Variants in RBPJ observed in about 807,000 individuals in gnomAD.
The protein encoded by RBPJ is recombining binding protein suppressor of hairless.
Under a neutral mutation model 67.8 loss-of-function variants are expected in RBPJ, and 9 were observed. That is an observed-to-expected ratio of 0.13 (90% CI 0.08 to 0.23). RBPJ has a LOEUF of 0.23. Ranked by LOEUF, RBPJ falls within the 10% of genes least tolerant of loss-of-function variation. The pLI, the probability that RBPJ is intolerant of heterozygous loss-of-function variation, is 1.00. For synonymous variants in RBPJ, 198 were observed against 203.3 expected (o/e 0.97, Z 0.22); for missense variants, 305 against 595.6 (o/e 0.51, Z 5.08).
upstream of RBPJ, among the ~76,000 whole-genome samples, chr4:26,318,131 A>G (rs757412171): frequency 7.7e-4 from 110 of 143,712 alleles, no homozygotes; most frequent in African/African-American, 9.5e-4. Flanking sequence ...ACACACACGC[A>G]CACACACACA....
intron 1 of RBPJ, among the ~76,000 whole-genome samples, chr4:26,212,432 C>CTTTTCTTT (rs1553849412): frequency 1.2e-4 from 14 of 112,206 alleles, no homozygotes; most frequent in Admixed American, 2.0e-4. Context: ...CTTTTCTTTT[C>CTTTTCTTT]TTTTTTTTTT....
At chr4:26,249,261 G>A (rs189650490) in intron 1 of RBPJ, among the ~76,000 whole-genome samples, 45 of 152,194 alleles carry the variant, frequency 3.0e-4, no homozygotes, top group Admixed American at 2.9e-3. Context: ...AATAATTTAT[G>A]AAACACACAG....
intron 1 of RBPJ, among the ~76,000 whole-genome samples, chr4:26,282,991 C>T (rs1274111014): frequency 1.5e-5 from 2 of 130,694 alleles, no homozygotes; most frequent in African/African-American, 5.9e-5. Context: ...AGTGCAGTGG[C>T]ACAATCTCGG....
At chr4:26,250,407 C>A (rs1720072063) in intron 1 of RBPJ, among the ~76,000 whole-genome samples, 1 of 142,398 alleles carries the variant, frequency 7.0e-6, no homozygotes, top group South Asian at 2.3e-4. Flanking sequence ...TCTCGGCTTA[C>A]TGTAACCTCC....
At chr4:26,149,847 T>A in the RBPJ span, among the ~76,000 whole-genome samples, 1 of 152,218 alleles carries the variant, frequency 6.6e-6, no homozygotes, top group Non-Finnish European at 1.5e-5. Flanking sequence ...CCAATTCTCC[T>A]CCATCAACTT....
chr4:26,111,955 A>T, the RBPJ span: 6 of 213,314 alleles, frequency 2.8e-5, no homozygotes, highest in Non-Finnish European at 5.1e-5. Flanking sequence ...TGCTCAGAAG[A>T]TGCTGTCCAG....
chr4:26,283,346 G>A (rs1338556681), intron 1 of RBPJ, among the ~76,000 whole-genome samples: 2 of 151,698 alleles, frequency 1.3e-5, no homozygotes, highest in African/African-American at 4.8e-5. Context: ...GGAGTTCAAG[G>A]CCAGCCTGGC....
chr4:26,270,358 AAAGAAAGAAAGAAAGAAAGAAAG>A (rs1350156363), intron 1 of RBPJ, among the ~76,000 whole-genome samples: 17 of 14,648 alleles, frequency 1.2e-3, no homozygotes, highest in African/African-American at 4.6e-3. Context: ...AGAGCAAGAG[AAAGAAAGAAAGAAAGAAAGAAAG>A]AAAGAAAGAA....
rs192590749 is a variant in RBPJ at position 26,418,476 on chromosome 4, A to T, written c.322-2075A>T. Among the ~76,000 whole-genome samples, 18 of 152,218 alleles carry T rather than the reference A, an allele frequency of 1.2e-4. No individual in the cohort carries two copies. The East Asian group carries it at 2.7e-3, about 23-fold the overall frequency. On this transcript the variant is annotated intron_variant, in intron 4 of 10. Transcript: ENST00000355476. Reference sequence around the variant, plus strand: ...TTCAAACTACTCATTGTAATTAGGGATATATTTCCTTTCTTTCCAAGGAGA... The same window carrying T: ...TTCAAACTACTCATTGTAATTAGGGTTATATTTCCTTTCTTTCCAAGGAGA...
intron 1 of RBPJ, among the ~76,000 whole-genome samples, chr4:26,260,962 A>T (rs1240253843): frequency 6.6e-6 from 1 of 152,204 alleles, no homozygotes; most frequent in East Asian, 1.9e-4. Context: ...TTTATGGTAA[A>T]TAGCTTGAGG....
At position 26,386,383 on chromosome 4, in the gene RBPJ, A is replaced by G. The variant is rs752016142; in HGVS notation, c.51A>G (p.Arg17=). 1.3e-6 allele frequency: 2 copies of G among 1,597,200 alleles called. No homozygotes were observed. Among genetic ancestry groups the G allele is most frequent in the Non-Finnish European group, 1.7e-6 (2 of 1,171,758 alleles). ...GKFGERPPPK[R]LTREAMRNYL... is the part of the protein sequence containing the mutation. ...TTGGTGAGCGGCCTCCACCTAAACG[A>G]CTTACTAGGTGAGTATTATATTAGT... Residue 17 remains arginine, a synonymous_variant, in exon 2 of 11, where the codon CGA becomes CGG. Coordinates refer to ENST00000355476, the MANE Select transcript of RBPJ (RefSeq NM_015874.6).
At chr4:26,378,681 GTGTT>G (rs771088561) in intron 1 of RBPJ, among the ~76,000 whole-genome samples, 21 of 152,076 alleles carry the variant, frequency 1.4e-4, no homozygotes, top group African/African-American at 1.9e-4. Context: ...AAGTTCATTG[GTGTT>G]TGTTTGTTTT....
At chr4:26,149,541 A>G in the RBPJ span, among the ~76,000 whole-genome samples, 2 of 152,214 alleles carry the variant, frequency 1.3e-5, no homozygotes, top group African/African-American at 4.8e-5. Context: ...TGGGATCCTT[A>G]AGAGGTGATT....
chr4:26,176,088 A>C (rs1426507006), intron 1 of RBPJ, among the ~76,000 whole-genome samples: 2 of 152,256 alleles, frequency 1.3e-5, no homozygotes, highest in Non-Finnish European at 2.9e-5. Context: ...TAAACAACAA[A>C]TAATTTTTTA....
intron 1 of RBPJ, among the ~76,000 whole-genome samples, chr4:26,232,467 G>A (rs1036005882): frequency 5.8e-5 from 8 of 137,218 alleles, no homozygotes; most frequent in African/African-American, 2.4e-4. Context: ...AATCCACCTC[G>A]GCATCCCAAA....
chr4:26,346,114 T>C (rs983699316), intron 1 of RBPJ, among the ~76,000 whole-genome samples: 1 of 152,084 alleles, frequency 6.6e-6, no homozygotes, highest in Non-Finnish European at 1.5e-5. Context: ...AGTGGCCACA[T>C]TGTTGGAGTA....
intron 1 of RBPJ, among the ~76,000 whole-genome samples, chr4:26,247,700 G>A (rs900642912): frequency 1.3e-5 from 2 of 152,068 alleles, no homozygotes; most frequent in Non-Finnish European, 2.9e-5. Context: ...ATGAGCCACC[G>A]TACCCAGCCT....
chr4:26,374,668 G>A (rs1190370844), intron 1 of RBPJ, among the ~76,000 whole-genome samples: 1 of 151,954 alleles, frequency 6.6e-6, no homozygotes, highest in Non-Finnish European at 1.5e-5. Flanking sequence ...TAGAGACAAG[G>A]TTTCACCATG....
At chr4:26,272,347 C>T (rs1720942997) in intron 1 of RBPJ, among the ~76,000 whole-genome samples, 1 of 152,150 alleles carries the variant, frequency 6.6e-6, no homozygotes, top group Admixed American at 6.5e-5. Flanking sequence ...AAGAGGATCA[C>T]TTTAGGCTGG....
Sources: gnomAD v4.1 joint callset for allele counts (sites outside exome capture counted in the v4.1 genomes callset) on GRCh38, gnomAD v4.1.1 for gene constraint, MANE v1.5 for transcripts, NCBI Gene and HGNC (gene_info 2026-07-23, HGNC 2026-07-21) for gene names.